NCKAP5: variants seen among roughly 807,000 people sequenced by gnomAD.
NCKAP5 encodes the protein nck-associated protein 5.
In NCKAP5, 92 loss-of-function variants were observed where a neutral mutation model predicts 167.0. That is an observed-to-expected ratio of 0.55 (90% CI 0.47 to 0.66). The LOEUF is 0.66. Among genes scored for constraint, NCKAP5 ranks in the 30% least tolerant of loss-of-function variants. The probability of loss-of-function intolerance (pLI) is 0.00; values close to 1 mark genes in which losing one functional copy is unlikely to be tolerated. For missense variants in NCKAP5, 2,378 were observed against 2,315.0 expected, an observed-to-expected ratio of 1.03 and a Z score of -0.56; for synonymous variants, 891 against 877.4, an observed-to-expected ratio of 1.02 and a Z score of -0.27.
At position 133,548,908 on chromosome 2, in the gene NCKAP5, G is replaced by T. The variant is rs543318483; in HGVS notation, c.-62+10142C>A. Among the ~76,000 whole-genome samples, 15 of 151,978 alleles carry T rather than the reference G, an allele frequency of 9.9e-5. 1 individual carries two copies. In the East Asian group the frequency reaches 2.7e-3, roughly 27 times the overall value. The stretch of plus-strand genomic sequence containing the variant: ...AACTTTAAATGTAAATGGACTAAAT[G>T]CTCCAATTAAAAGACACAGACGGGC... On this transcript the variant is annotated intron_variant, in intron 2 of 19. Transcript: ENST00000409261.
At chr2:133,602,771 C>A in the NCKAP5 span, among the ~76,000 whole-genome samples, 2 of 152,300 alleles carry the variant, frequency 1.3e-5, no homozygotes, top group Admixed American at 6.5e-5. Context: ...TGTCAACCCC[C>A]GGGTTAAGGG....
chr2:133,116,159 T>C lies in NCKAP5; in HGVS notation c.341+13819A>G, dbSNP rs912132846. On this transcript the variant is annotated intron_variant, in intron 6 of 19. Coordinates refer to ENST00000409261, the MANE Select transcript of NCKAP5 (RefSeq NM_207363.3). ...ATAAGTTTTAGAATGAACTTGAAAATGTATGTCTAACTTTTTTGTAACTTA... is the reference window on the plus strand; with the variant it reads ...ATAAGTTTTAGAATGAACTTGAAAACGTATGTCTAACTTTTTTGTAACTTA... Among the ~76,000 whole-genome samples, 80 of 152,056 alleles carry C rather than the reference T, an allele frequency of 5.3e-4. 1 individual carries two copies. Among genetic ancestry groups the C allele is most frequent in the Admixed American group, 2.4e-3 (36 of 15,300 alleles).
chr2:132,809,302 T>A lies in NCKAP5; in HGVS notation c.808-12573A>T, dbSNP rs569975244. Reference sequence around the variant, plus strand: ...TAAGTCCATTTGTTCCAAGGTATAGTTTACATCCATTGTTTCTTTGTTGAC... The same window carrying A: ...TAAGTCCATTTGTTCCAAGGTATAGATTACATCCATTGTTTCTTTGTTGAC... On this transcript the variant is annotated intron_variant, in intron 11 of 19. Coordinates refer to ENST00000409261, the MANE Select transcript of NCKAP5 (RefSeq NM_207363.3). 5.9e-5 allele frequency among the ~76,000 whole-genome samples: 9 copies of A among 152,294 alleles called. No individual in the cohort carries two copies. The South Asian group carries it at 1.7e-3, about 28-fold the overall frequency.
chr2:133,222,919 G>A (rs1361610290), intron 4 of NCKAP5, among the ~76,000 whole-genome samples: 2 of 152,156 alleles, frequency 1.3e-5, no homozygotes, highest in Non-Finnish European at 2.9e-5. Flanking sequence ...TGCCAGTGAG[G>A]TCATCACAAA....
intron 8 of NCKAP5, among the ~76,000 whole-genome samples, chr2:132,958,216 T>C (rs957764833): frequency 7.2e-5 from 11 of 152,176 alleles, no homozygotes; most frequent in Non-Finnish European, 1.6e-4. Flanking sequence ...TGGGATATAC[T>C]AAGCCTTATA....
chr2:133,655,000 C>T, the NCKAP5 span, among the ~76,000 whole-genome samples: 4 of 152,274 alleles, frequency 2.6e-5, no homozygotes, highest in African/African-American at 7.2e-5. Flanking sequence ...CAATTATAGG[C>T]AAACATTGAC....
rs752185016 is a variant in NCKAP5, at chr2:132,783,155, A to G, written c.3656T>C (p.Leu1219Ser). The change falls in exon 14 of 20, where the codon TTA becomes TCA. Residue 1219 changes from leucine (L) to serine (S), a missense_variant. Around this residue, in one of 3 missense-constraint regions of NCKAP5, gnomAD observed 1,325 missense variants for 1,274.5 expected, o/e 1.04. Coordinates refer to ENST00000409261, the MANE Select transcript of NCKAP5 (RefSeq NM_207363.3). ...TLPDSQAQGS[L>S]ADGLPLETAL... ...TGTTTCCAGGGGAAGCCCATCAGCTAAACTGCCCTGTGCTTGTGAATCCGG... is the reference window on the plus strand; with the variant it reads ...TGTTTCCAGGGGAAGCCCATCAGCTGAACTGCCCTGTGCTTGTGAATCCGG... 4.3e-6 allele frequency: 7 copies of G among 1,613,624 alleles called. No homozygotes were observed. The highest frequency in any genetic ancestry group is 3.4e-6 in the Non-Finnish European group (4 of 1,179,774).
chr2:133,671,462 G>T, the NCKAP5 span, among the ~76,000 whole-genome samples: 5 of 152,120 alleles, frequency 3.3e-5, no homozygotes, highest in South Asian at 1.0e-3. Flanking sequence ...TTAATTCATG[G>T]ATTAGTGGGT....
At chr2:133,442,833 A>G (rs1690943261) in intron 3 of NCKAP5, among the ~76,000 whole-genome samples, 1 of 152,240 alleles carries the variant, frequency 6.6e-6, no homozygotes, top group Non-Finnish European at 1.5e-5. Flanking sequence ...AGCTGCTCAG[A>G]TGGCAAGGCC....
chr2:133,454,481 C>T (rs1691729268), intron 3 of NCKAP5, among the ~76,000 whole-genome samples: 1 of 152,052 alleles, frequency 6.6e-6, no homozygotes, highest in Non-Finnish European at 1.5e-5. Flanking sequence ...ATTTATTAAA[C>T]ATTCATTTGT....
In NCKAP5 at chr2:133,328,076, T is replaced by C. The variant is rs546290099; in HGVS notation, c.70-24966A>G. ...TCACCCTGTTGTCTCTCTACCAACGTTGGGCCCCAAGTTACCCGATTGGTA... is the reference window on the plus strand; with the variant it reads ...TCACCCTGTTGTCTCTCTACCAACGCTGGGCCCCAAGTTACCCGATTGGTA... On this transcript the variant is annotated intron_variant, in intron 3 of 19. Coordinates refer to ENST00000409261, the MANE Select transcript of NCKAP5 (RefSeq NM_207363.3). Among the ~76,000 whole-genome samples, 20 of 152,308 alleles carry C rather than the reference T, an allele frequency of 1.3e-4. No individual in the cohort carries two copies. The South Asian group carries it at 4.1e-3, about 32-fold the overall frequency.
the NCKAP5 span, among the ~76,000 whole-genome samples, chr2:133,634,944 T>G: frequency 6.6e-6 from 1 of 152,114 alleles, no homozygotes; most frequent in South Asian, 2.1e-4. Context: ...CTTGGCTCAC[T>G]GCAACCTCTG....
Position 132,697,863 on chromosome 2 carries a change from T to C in NCKAP5, c.5714-24558A>G, listed in dbSNP as rs75161570. ...GTTAGGGAAAACGTTTTTCTTCCCA[T>C]CAAACTTTCACTTTTTCTTCTTTAA... On this transcript the variant is annotated intron_variant, in intron 19 of 19. Coordinates refer to ENST00000409261, the MANE Select transcript of NCKAP5 (RefSeq NM_207363.3). Among the ~76,000 whole-genome samples the C allele has an allele frequency of 5.1e-4, 78 of 152,354 alleles. 1 individual carries two copies. Among genetic ancestry groups the C allele is most frequent in the South Asian group, 2.5e-3 (12 of 4,832 alleles).
chr2:132,911,957 A>C (rs961466471), intron 8 of NCKAP5, among the ~76,000 whole-genome samples: 5 of 151,904 alleles, frequency 3.3e-5, no homozygotes, highest in Non-Finnish European at 7.4e-5. Flanking sequence ...AGGCACGCCC[A>C]CAGTGTCTGC....
chr2:132,784,539 A>G lies in NCKAP5; in HGVS notation c.2272T>C (p.Ser758Pro), dbSNP rs781278976. The change falls in exon 14 of 20, where the codon TCT (serine) becomes CCT (proline). Residue 758 changes from serine to proline, a missense_variant. By Grantham distance (74) the Ser-to-Pro change is moderately conservative (BLOSUM62 -1). This residue lies in a region of NCKAP5 where 1,049 missense variants were observed against 1,023.4 expected (regional missense o/e 1.02). Transcript: ENST00000409261. ...VDNVPRVSTESFSSRTVTQNP... is the reference protein window; with the variant it reads ...VDNVPRVSTEPFSSRTVTQNP... ...TGTGTCACTGTCCTGGAGCTGAAAGATTCAGTGGACACCCTGGGAACATTA... is the reference window on the plus strand; with the variant it reads ...TGTGTCACTGTCCTGGAGCTGAAAGGTTCAGTGGACACCCTGGGAACATTA... 17 of 1,568,450 alleles carry G rather than the reference A, an allele frequency of 1.1e-5. No individual in the cohort carries two copies. Among genetic ancestry groups the G allele is most frequent in the Admixed American group, 3.7e-5 (2 of 54,484 alleles).
chr2:133,578,356 G>A, the NCKAP5 span, among the ~76,000 whole-genome samples: 2 of 152,308 alleles, frequency 1.3e-5, no homozygotes, highest in South Asian at 2.1e-4. Context: ...AAGTGATGCC[G>A]TGTTGAGCCT....
At chr2:133,421,847 T>C (rs1324696898) in intron 3 of NCKAP5, among the ~76,000 whole-genome samples, 1 of 152,146 alleles carries the variant, frequency 6.6e-6, no homozygotes, top group East Asian at 1.9e-4. Flanking sequence ...CGCTGTCAAG[T>C]CACATTACAT....
intron 3 of NCKAP5, among the ~76,000 whole-genome samples, chr2:133,424,447 A>G (rs2151101818): frequency 6.6e-6 from 1 of 152,364 alleles, no homozygotes; most frequent in Middle Eastern, 3.4e-3. Flanking sequence ...TGTCTGAGCC[A>G]GCAAGTTCTG....
At chr2:133,337,966 C>T (rs4588241) in intron 3 of NCKAP5, among the ~76,000 whole-genome samples, 34,677 of 152,076 alleles carry the variant, frequency 0.23, 4,214 homozygotes, top group Non-Finnish European at 0.27. Context: ...ATAATATGGG[C>T]TATACTCAGA....
Sources: gnomAD v4.1 joint callset for allele counts (sites outside exome capture counted in the v4.1 genomes callset) on GRCh38, gnomAD v4.1.1 for gene constraint, gnomAD v4.1.1 regional missense constraint, MANE v1.5 for transcripts, NCBI Gene and HGNC (gene_info 2026-07-23, HGNC 2026-07-21) for gene names.